SP140L: variants seen among roughly 807,000 people sequenced by gnomAD.
The protein encoded by SP140L is nuclear body protein SP140-like protein.
SP140L carries 64 observed loss-of-function variants against 84.3 expected under a neutral mutation model. The observed-to-expected ratio is 0.76, with a 90% confidence interval of 0.62 to 0.94. SP140L has a LOEUF of 0.94. Ranked by LOEUF, SP140L falls within the 40% of genes least tolerant of loss-of-function variation. The pLI is 0.00. For missense variants in SP140L, 628 were observed against 692.5 expected (o/e 0.91, Z 1.05); for synonymous variants, 242 against 236.9 (o/e 1.02, Z -0.20).
intron 2 of SP140L, among the ~76,000 whole-genome samples, chr2:230,336,646 A>G (rs10933333): frequency 0.12 from 18,060 of 152,206 alleles, 1,117 homozygotes; most frequent in Middle Eastern, 0.15. Flanking sequence ...TCATTATTTT[A>G]TTCAAATCTT....
intron 7 of SP140L, among the ~76,000 whole-genome samples, chr2:230,380,069 A>G (rs1310090446): frequency 1.3e-5 from 2 of 152,206 alleles, no homozygotes; most frequent in Non-Finnish European, 2.9e-5. Flanking sequence ...TTTGTAAGGA[A>G]AAAGAATACA....
At chr2:230,366,709 TC>T (rs748174485) in intron 5 of SP140L, among the ~76,000 whole-genome samples, 149 of 64,988 alleles carry the variant, frequency 2.3e-3, no homozygotes, top group African/African-American at 6.4e-3. Flanking sequence ...TGGATTATTA[TC>T]TATTATTATT....
rs375339347 is a variant in SP140L at position 230,385,270 on chromosome 2, G to A, written c.750G>A (p.Ala250=). 582 of 1,613,528 alleles carry A rather than the reference G, an allele frequency of 3.6e-4. 2 individuals are homozygous for A. Among genetic ancestry groups the A allele is most frequent in the East Asian group, 2.4e-3 (108 of 44,884 alleles). Residue 250 remains alanine, a synonymous_variant, in exon 9 of 19, where the codon GCG becomes GCA. Coordinates refer to ENST00000415673, the MANE Select transcript of SP140L (RefSeq NM_138402.6). ...AGCTGGTCTCGAGTGAAAAGAAGGC[G>A]AACATGAATCTGAAAGACCTTTCCA... ...DGQLVSSEKK[A]NMNLKDLSKI...
At chr2:230,400,847 C>G (rs1385033707) in intron 15 of SP140L, 108 bp from the exon 16 acceptor site, 6 of 1,565,872 alleles carry the variant, frequency 3.8e-6, no homozygotes, top group Non-Finnish European at 3.5e-6. Context: ...CCCCTCCCTC[C>G]CATGACTGAG....
Position 230,364,225 on chromosome 2 carries a change from C to T in SP140L, c.523+2528C>T, listed in dbSNP as rs143929154. Among the ~76,000 whole-genome samples the T allele has an allele frequency of 2.4e-4, 36 of 152,076 alleles. No homozygotes were observed. The East Asian group carries it at 5.8e-3, about 24-fold the overall frequency. ...GTCTTTGGAACTTTTATATGATTTGCGCTGAATCTTTAGAGCACTGTGGAT... is the reference window on the plus strand; with the variant it reads ...GTCTTTGGAACTTTTATATGATTTGTGCTGAATCTTTAGAGCACTGTGGAT... On this transcript the variant is annotated intron_variant, in intron 5 of 18. Coordinates refer to ENST00000415673, the MANE Select transcript of SP140L (RefSeq NM_138402.6).
intron 4 of SP140L, among the ~76,000 whole-genome samples, chr2:230,359,991 G>T (rs2060665865): frequency 6.6e-6 from 1 of 151,828 alleles, no homozygotes; most frequent in Non-Finnish European, 1.5e-5. Flanking sequence ...CTAAAGTTTT[G>T]ATTCTTGACT....
chr2:230,340,609 T>C lies in SP140L; in HGVS notation c.107+11778T>C, dbSNP rs1346116975. The stretch of plus-strand genomic sequence containing the variant: ...TCTCGATGGTCTTTACATTTTGGCA[T>C]GATTTTGCAGCGGCTGGTACCGGTT... On this transcript the variant is annotated intron_variant, in intron 2 of 18. Transcript: ENST00000415673. Among the ~76,000 whole-genome samples, 6 of 140,238 alleles carry C rather than the reference T, an allele frequency of 4.3e-5. No individual in the cohort carries two copies. The East Asian group carries it at 1.2e-3, about 29-fold the overall frequency. The allele number at this position is 140,238 out of a possible 152,430, so 92.0% of individuals were successfully genotyped here. A position where few individuals can be genotyped will look rare whatever the true frequency, so the allele number is the denominator to read the frequency against.
At chr2:230,389,190 G>A (rs921710735) in intron 10 of SP140L, among the ~76,000 whole-genome samples, 1 of 152,098 alleles carries the variant, frequency 6.6e-6, no homozygotes, top group African/African-American at 2.4e-5. Context: ...TTCAAAACCA[G>A]TCTCAGGACC....
chr2:230,394,103 G>T (rs1361009214), intron 13 of SP140L, among the ~76,000 whole-genome samples: 3 of 152,180 alleles, frequency 2.0e-5, no homozygotes, highest in South Asian at 4.1e-4. Flanking sequence ...AGAGGCAAAC[G>T]TATTTTACAG....
rs1293724574 is a variant in SP140L, at chr2:230,393,462, G to C, written c.1155+1G>C. ...AAGAATATATTACAGGAACAAAAAG[G>C]TGATTATTACATAATTTTCTACAGA... On this transcript the variant is annotated splice_donor_variant, in intron 13 of 18. Coordinates refer to ENST00000415673, the MANE Select transcript of SP140L (RefSeq NM_138402.6). LOFTEE classifies it high-confidence loss of function. 1 of 1,570,706 alleles carries C rather than the reference G, an allele frequency of 6.4e-7. No individual in the cohort carries two copies.
At chr2:230,349,885 T>A (rs1306340433) in intron 2 of SP140L, among the ~76,000 whole-genome samples, 1 of 152,150 alleles carries the variant, frequency 6.6e-6, no homozygotes. Context: ...AGCACATGCC[T>A]GTAATTCCAG....
Position 230,392,181 on chromosome 2 carries a change from G to T in SP140L, c.1059G>T (p.Trp353Cys), listed in dbSNP as rs2061841434. 6 of 1,614,004 alleles carry T rather than the reference G, an allele frequency of 3.7e-6. No homozygotes were observed. Among genetic ancestry groups the T allele is most frequent in the Non-Finnish European group, 5.1e-6 (6 of 1,179,972 alleles). The change falls in exon 12 of 19, where the codon TGG (tryptophan) becomes TGT (cysteine). Residue 353 changes from tryptophan to cysteine, a missense_variant. Trp to Cys is a radical substitution (Grantham distance 215). This residue lies in a region of SP140L where 525 missense variants were observed against 518.4 expected (regional missense o/e 1.01). Transcript: ENST00000415673. ...IKGGYARSKN[W>C]RLSVRCGGWP... ...GAGGCTACGCAAGATCAAAGAACTG[G>T]AGGCTGAGTGTGCGCTGTGGCGGGT...
chr2:230,361,626 A>G lies in SP140L; in HGVS notation c.452A>G (p.Lys151Arg), dbSNP rs2060719807. 2.6e-6 allele frequency: 4 copies of G among 1,559,568 alleles called. No individual in the cohort carries two copies. The highest frequency in any genetic ancestry group is 2.6e-6 in the Non-Finnish European group (3 of 1,150,640). ...TCCCACTCTTCAGCAATCCAAGACA[A>G]ATTGTCTTTCCAAGAAAGTGATCGA... ...YKSFKNAIQD[K>R]LSFQESDRKE... Residue 151 changes from lysine (K) to arginine (R), a missense_variant, in exon 5 of 19, where the codon AAA becomes AGA. This residue lies in a region of SP140L where 525 missense variants were observed against 518.4 expected (regional missense o/e 1.01). Transcript: ENST00000415673.
At chr2:230,360,848 A>G (rs1412805807) in intron 4 of SP140L, among the ~76,000 whole-genome samples, 2 of 152,114 alleles carry the variant, frequency 1.3e-5, no homozygotes, top group East Asian at 3.9e-4. Flanking sequence ...TGTTATGTTT[A>G]TCTGGGAACT....
Position 230,403,102 on chromosome 2 carries a change from G to A in SP140L, c.*206G>A, listed in dbSNP as rs2062427255. On this transcript the variant is annotated 3_prime_UTR_variant, in exon 19 of 19. Coordinates refer to ENST00000415673, the MANE Select transcript of SP140L (RefSeq NM_138402.6). ...TCATCAACCAGGGAAGAGGAACTGAGATCACAGGGAAGGAGATTGGAGGTG... is the reference window on the plus strand; with the variant it reads ...TCATCAACCAGGGAAGAGGAACTGAAATCACAGGGAAGGAGATTGGAGGTG... The A allele has an allele frequency of 7.8e-6, 4 of 515,844 alleles. No homozygotes were observed. Among genetic ancestry groups the A allele is most frequent in the African/African-American group, 3.9e-5 (2 of 50,828 alleles). 32.0% of individuals were successfully genotyped at this position (515,844 alleles called of 1,614,324 possible). A position where few individuals can be genotyped will look rare whatever the true frequency, so the allele number is the denominator to read the frequency against.
chr2:230,330,157 A>AT (rs1378116448), intron 2 of SP140L, among the ~76,000 whole-genome samples: 1 of 152,078 alleles, frequency 6.6e-6, no homozygotes, highest in Non-Finnish European at 1.5e-5. Context: ...TGGGAGAGTC[A>AT]TGGTTTTTTT....
intron 2 of SP140L, among the ~76,000 whole-genome samples, chr2:230,340,299 G>T (rs2060001828): frequency 6.8e-6 from 1 of 147,328 alleles, no homozygotes; most frequent in African/African-American, 2.5e-5. Flanking sequence ...TTTTATCAGA[G>T]ACTAGGGTTG....
At chr2:230,341,476 CCTT>C (rs1257146412) in intron 2 of SP140L, among the ~76,000 whole-genome samples, 1 of 146,394 alleles carries the variant, frequency 6.8e-6, no homozygotes, top group Non-Finnish European at 1.5e-5. Context: ...TCGTCTGAAG[CCTT>C]CTTCTCTCAG....
At chr2:230,396,609 C>T (rs2062060174) in intron 13 of SP140L, 148 bp from the exon 14 acceptor site, 1 of 859,318 alleles carries the variant, frequency 1.2e-6, no homozygotes, top group African/African-American at 1.7e-5. Flanking sequence ...CTGGAGCCAC[C>T]CCAGCCTACT....
Sources: gnomAD v4.1 joint callset for allele counts (sites outside exome capture counted in the v4.1 genomes callset) on GRCh38, gnomAD v4.1.1 for gene constraint, gnomAD v4.1.1 regional missense constraint, MANE v1.5 for transcripts, NCBI Gene and HGNC (gene_info 2026-07-23, HGNC 2026-07-21) for gene names.